Variants in SMYD3 observed in about 807,000 individuals in gnomAD.
SMYD3 encodes SET and MYND domain containing 3.
SMYD3 carries 36 observed loss-of-function variants against 57.7 expected under a neutral mutation model. The observed-to-expected ratio is 0.62, with a 90% confidence interval of 0.48 to 0.82. SMYD3 has a LOEUF of 0.82. SMYD3 is among the 40% of genes least tolerant of loss of function. The pLI, the probability that SMYD3 is intolerant of heterozygous loss-of-function variation, is 0.00. For synonymous variants in SMYD3, 211 were observed against 195.0 expected (o/e 1.08, Z -0.68); for missense variants, 515 against 538.8 (o/e 0.96, Z 0.44).
At chr1:246,070,740 T>A (rs2787967) in intron 5 of SMYD3, among the ~76,000 whole-genome samples, 2 of 152,154 alleles carry the variant, frequency 1.3e-5, no homozygotes, top group African/African-American at 4.8e-5. Context: ...TGCCCAGTCC[T>A]ACTGGAGGAT....
At chr1:245,991,821 G>GA (rs1233217630) in intron 5 of SMYD3, among the ~76,000 whole-genome samples, 2 of 132,442 alleles carry the variant, frequency 1.5e-5, no homozygotes, top group Non-Finnish European at 3.2e-5. Context: ...CTGAACCTCA[G>GA]AAACGGCCTG....
chr1:246,341,304 A>C (rs2065630469), intron 2 of SMYD3, among the ~76,000 whole-genome samples: 1 of 152,212 alleles, frequency 6.6e-6, no homozygotes, highest in South Asian at 2.1e-4. Context: ...CATGATTTAA[A>C]TGTGTTAATT....
chr1:246,182,131 C>T (rs2062562084), intron 5 of SMYD3, among the ~76,000 whole-genome samples: 1 of 152,208 alleles, frequency 6.6e-6, no homozygotes, highest in Non-Finnish European at 1.5e-5. Flanking sequence ...AACCTCACCA[C>T]TGTTGTTCTC....
intron 5 of SMYD3, among the ~76,000 whole-genome samples, chr1:246,306,168 A>C (rs2064974834): frequency 6.6e-6 from 1 of 152,286 alleles, no homozygotes; most frequent in Non-Finnish European, 1.5e-5. Context: ...ACGAAATCCT[A>C]TCTCTACTGA....
chr1:245,857,174 A>C (rs1050107535), intron 10 of SMYD3, among the ~76,000 whole-genome samples: 1 of 152,168 alleles, frequency 6.6e-6, no homozygotes, highest in Non-Finnish European at 1.5e-5. Flanking sequence ...CAGTGGAGGA[A>C]ACCATCTACA....
At position 245,835,378 on chromosome 1, in the gene SMYD3, A is replaced by G. The variant is rs187635713; in HGVS notation, c.1076+23118T>C. Among the ~76,000 whole-genome samples, 669 of 152,186 alleles carry G rather than the reference A, an allele frequency of 4.4e-3. 1 individual carries two copies. Among genetic ancestry groups the G allele is most frequent in the Non-Finnish European group, 6.0e-3 (411 of 68,010 alleles). On this transcript the variant is annotated intron_variant, in intron 10 of 11. Coordinates refer to ENST00000490107, the MANE Select transcript of SMYD3 (RefSeq NM_001167740.2). ...CGTGATCTGCCCACCTCAGCCTCCC[A>G]AAGTGCTGGGATTACAGGCGTGAGC... is the stretch of plus-strand genomic sequence containing the variant.
At chr1:246,394,935 T>C (rs1000408716) in intron 1 of SMYD3, among the ~76,000 whole-genome samples, 1 of 151,932 alleles carries the variant, frequency 6.6e-6, no homozygotes, top group Non-Finnish European at 1.5e-5. Flanking sequence ...CTCCCGAACT[T>C]AGCTACACTT....
chr1:246,003,208 T>C (rs1333670083), intron 5 of SMYD3, among the ~76,000 whole-genome samples: 1 of 152,150 alleles, frequency 6.6e-6, no homozygotes, highest in Non-Finnish European at 1.5e-5. Flanking sequence ...GGAAAAACTC[T>C]ATTGTTCTGT....
chr1:246,005,384 T>C (rs900466698), intron 5 of SMYD3, among the ~76,000 whole-genome samples: 1 of 152,232 alleles, frequency 6.6e-6, no homozygotes, highest in Non-Finnish European at 1.5e-5. Flanking sequence ...AACGCTGTAC[T>C]TGGAACTGGA....
At chr1:245,815,528 A>G (rs571954142) in intron 10 of SMYD3, among the ~76,000 whole-genome samples, 1 of 152,378 alleles carries the variant, frequency 6.6e-6, no homozygotes, top group South Asian at 2.1e-4. Flanking sequence ...CTAGCCCCCA[A>G]GTGACTCTGA....
chr1:246,339,293 T>G (rs1572397076), intron 2 of SMYD3, among the ~76,000 whole-genome samples: 2 of 152,350 alleles, frequency 1.3e-5, no homozygotes, highest in South Asian at 4.1e-4. Flanking sequence ...TGACTAATGA[T>G]GTCTTCCAGT....
intron 5 of SMYD3, among the ~76,000 whole-genome samples, chr1:246,045,606 G>A (rs192438148): frequency 3.3e-5 from 5 of 151,980 alleles, no homozygotes; most frequent in Non-Finnish European, 7.4e-5. Flanking sequence ...AAAAGCAATG[G>A]CAACAAAAGC....
chr1:246,219,577 T>C (rs1572230713), intron 5 of SMYD3, among the ~76,000 whole-genome samples: 1 of 152,108 alleles, frequency 6.6e-6, no homozygotes, highest in Non-Finnish European at 1.5e-5. Context: ...GACAAAAAGG[T>C]TGTCACACTG....
chr1:246,495,644 C>T (rs374209400), intron 1 of SMYD3, among the ~76,000 whole-genome samples: 1 of 151,982 alleles, frequency 6.6e-6, no homozygotes, highest in Admixed American at 6.6e-5. Flanking sequence ...TTACATATTA[C>T]AAATATACAC....
chr1:246,348,060 T>TTATATATATATATATATATATATATA lies in SMYD3; in HGVS notation c.228+6970_228+6971insTATATATATATATATATATATATATA, dbSNP rs200573424. Reference sequence around the variant, plus strand: ...ATTGGTGGACTGAATAAAGAAAACGTTATATATATATATATATACACACAC... The same window carrying TTATATATATATATATATATATATATA: ...ATTGGTGGACTGAATAAAGAAAACGTTATATATATATATATATATATATATATATATATATATATATATACACACAC... On this transcript the variant is annotated intron_variant, in intron 2 of 11. Transcript: ENST00000490107. 2.4e-3 allele frequency among the ~76,000 whole-genome samples: 201 copies of TTATATATATATATATATATATATATA among 82,900 alleles called. 8 individuals are homozygous for TTATATATATATATATATATATATATA. The highest frequency in any genetic ancestry group is 6.8e-3 in the African/African-American group (161 of 23,662). 54.4% of individuals were successfully genotyped at this position (82,900 alleles called of 152,430 possible).
At chr1:246,183,482 A>C (rs776570381) in intron 5 of SMYD3, among the ~76,000 whole-genome samples, 9 of 151,970 alleles carry the variant, frequency 5.9e-5, no homozygotes, top group African/African-American at 1.9e-4. Flanking sequence ...GGTTAAGAAG[A>C]AGCAAGGTGA....
chr1:246,041,764 G>C (rs1246932219), intron 5 of SMYD3, among the ~76,000 whole-genome samples: 1 of 151,924 alleles, frequency 6.6e-6, no homozygotes, highest in African/African-American at 2.4e-5. Context: ...TCTTCCAATG[G>C]ACGGACTCAG....
chr1:246,484,200 A>ACG lies in SMYD3; in HGVS notation c.164+22853_164+22854insCG, dbSNP rs1399928785. On this transcript the variant is annotated intron_variant, in intron 1 of 11. Coordinates refer to ENST00000490107, the MANE Select transcript of SMYD3 (RefSeq NM_001167740.2). ...ACCATTGCACTAGTTACACCTAAAA[A>ACG]CACATCACTTCAACCAAAATACCTA... Among the ~76,000 whole-genome samples the ACG allele has an allele frequency of 2.4e-4, 14 of 59,042 alleles. 1 individual carries two copies. Among genetic ancestry groups the ACG allele is most frequent in the African/African-American group, 5.5e-4 (4 of 7,246 alleles). 38.7% of individuals were successfully genotyped at this position (59,042 alleles called of 152,430 possible).
At chr1:246,420,768 A>T (rs1013756864) in intron 1 of SMYD3, among the ~76,000 whole-genome samples, 1 of 152,260 alleles carries the variant, frequency 6.6e-6, no homozygotes, top group Admixed American at 6.5e-5. Context: ...AGTGCCCACT[A>T]AAATTATAGC....
Sources: gnomAD v4.1 joint callset for allele counts (sites outside exome capture counted in the v4.1 genomes callset) on GRCh38, gnomAD v4.1.1 for gene constraint, MANE v1.5 for transcripts, NCBI Gene and HGNC (gene_info 2026-07-23, HGNC 2026-07-21) for gene names.